The following SLC44A1 variants were observed in gnomAD, a reference collection of about 807,000 sequenced individuals.
SLC44A1 encodes choline transporter-like protein 1.
A neutral mutation model predicts 79.3 loss-of-function variants in SLC44A1; 26 were observed. The ratio of observed to expected loss-of-function variants is 0.33; its 90% CI spans 0.24 to 0.46. The LOEUF (loss-of-function observed/expected upper bound fraction) is 0.46, where lower values mean the gene tolerates loss of function less well. Ranked by LOEUF, SLC44A1 falls within the 20% of genes least tolerant of loss-of-function variation. The pLI is 1.00. For missense variants in SLC44A1, 688 were observed against 798.1 expected (o/e 0.86, Z 1.66); for synonymous variants, 263 against 286.2 (o/e 0.92, Z 0.82).
At chr9:105,345,576 C>CT (rs1019043590) in intron 4 of SLC44A1, among the ~76,000 whole-genome samples, 6 of 151,332 alleles carry the variant, frequency 4.0e-5, no homozygotes, top group East Asian at 1.9e-4. Flanking sequence ...GGAAATATTA[C>CT]TTTTTTTTTC....
At chr9:105,400,528 C>G (rs2417641), downstream of SLC44A1, among the ~76,000 whole-genome samples, 132,148 of 151,822 alleles carry the variant, frequency 0.87, 59,401 homozygotes, top group East Asian at 1. Context: ...TAAACTACAA[C>G]ATGTCAATGT....
chr9:105,351,602 GAAAGAAAGAAAGAAA>G (rs1564452788), intron 5 of SLC44A1, among the ~76,000 whole-genome samples: 1 of 47,668 alleles, frequency 2.1e-5, no homozygotes. Flanking sequence ...GAAAGAGAAA[GAAAGAAAGAAAGAAA>G]GAAAGAGAGA....
intron 12 of SLC44A1, among the ~76,000 whole-genome samples, chr9:105,370,735 G>A (rs928917938): frequency 1.4e-4 from 21 of 152,194 alleles, no homozygotes; most frequent in Non-Finnish European, 2.9e-4. Flanking sequence ...GAGACGTGTG[G>A]GTCCTTTCTT....
At chr9:105,302,674 T>TA (rs57862025) in intron 2 of SLC44A1, among the ~76,000 whole-genome samples, 2,377 of 132,248 alleles carry the variant, frequency 0.018, 42 homozygotes, top group African/African-American at 0.041. Context: ...GGATCTTTTC[T>TA]AAAAAAAAAA....
Position 105,389,079 on chromosome 9 carries a change from C to T in SLC44A1, c.*23C>T, listed in dbSNP as rs975218040. On this transcript the variant is annotated 3_prime_UTR_variant, in exon 16 of 16. Coordinates refer to ENST00000374720, the MANE Select transcript of SLC44A1 (RefSeq NM_080546.5). ...TGAACCTAGCCGACGGTTATGGAAA[C>T]CCATTGACATTCCAAAACAATATAT... 4 of 1,612,670 alleles carry T rather than the reference C, an allele frequency of 2.5e-6. No individual in the cohort carries two copies. Among genetic ancestry groups the T allele is most frequent in the South Asian group, 1.1e-5 (1 of 91,022 alleles).
At chr9:105,273,980 G>A (rs1171269373) in intron 1 of SLC44A1, among the ~76,000 whole-genome samples, 2 of 152,048 alleles carry the variant, frequency 1.3e-5, no homozygotes, top group Admixed American at 6.6e-5. Flanking sequence ...AGTTCTGTAG[G>A]TTATTATTTC....
intron 4 of SLC44A1, among the ~76,000 whole-genome samples, chr9:105,340,485 A>G (rs1342355012): frequency 1.3e-5 from 2 of 152,228 alleles, no homozygotes; most frequent in African/African-American, 4.8e-5. Flanking sequence ...GTTTGAATGA[A>G]CTTAATGTCA....
intron 1 of SLC44A1, among the ~76,000 whole-genome samples, chr9:105,261,038 A>C (rs529928050): frequency 6.6e-6 from 1 of 152,210 alleles, no homozygotes; most frequent in Non-Finnish European, 1.5e-5. Context: ...AACAAATACA[A>C]CTTGCCAATG....
At chr9:105,278,403 C>T (rs1042525390) in intron 1 of SLC44A1, among the ~76,000 whole-genome samples, 1 of 152,196 alleles carries the variant, frequency 6.6e-6, no homozygotes, top group Non-Finnish European at 1.5e-5. Context: ...CGCCCGCCAC[C>T]ACGCCCGGTT....
intron 1 of SLC44A1, among the ~76,000 whole-genome samples, chr9:105,269,338 T>C (rs559594090): frequency 6.6e-6 from 1 of 152,302 alleles, no homozygotes; most frequent in Non-Finnish European, 1.5e-5. Flanking sequence ...TTTTAACTGG[T>C]CACCTCTTTT....
chr9:105,317,522 A>G (rs1831359348), intron 3 of SLC44A1, among the ~76,000 whole-genome samples: 1 of 152,090 alleles, frequency 6.6e-6, no homozygotes, highest in Non-Finnish European at 1.5e-5. Flanking sequence ...GATTGGACGA[A>G]GAGGTGACTA....
intron 1 of SLC44A1, among the ~76,000 whole-genome samples, chr9:105,293,769 C>G (rs1830656521): frequency 6.6e-6 from 1 of 152,126 alleles, no homozygotes; most frequent in Non-Finnish European, 1.5e-5. Context: ...TTTGCAATAA[C>G]ATGGAAATTT....
chr9:105,394,656 AATATATTTGTCAACAT>A lies in SLC44A1; in HGVS notation c.*5601_*5616del. ...TGTTATCAGTATACTACTGTCTTAA[AATATATTTGTCAACAT>A]GTCCAGTTCCAACAACAGTTGAAGA... On this transcript the variant is annotated 3_prime_UTR_variant, in exon 16 of 16. Coordinates refer to ENST00000374720, the MANE Select transcript of SLC44A1 (RefSeq NM_080546.5). 1 of 985,350 alleles carries A rather than the reference AATATATTTGTCAACAT, an allele frequency of 1.0e-6. No homozygotes were observed. The highest frequency in any genetic ancestry group is 4.7e-5 in the South Asian group (1 of 21,286). The allele number at this position is 985,350 out of a possible 1,614,324, so 61.0% of individuals were successfully genotyped here.
intron 1 of SLC44A1, among the ~76,000 whole-genome samples, chr9:105,255,654 T>C (rs1829687062): frequency 6.6e-6 from 1 of 152,192 alleles, no homozygotes; most frequent in Non-Finnish European, 1.5e-5. Context: ...TCCTCAGAAG[T>C]CCTTTCACTA....
chr9:105,329,383 C>G (rs374723729), intron 3 of SLC44A1, among the ~76,000 whole-genome samples: 2 of 152,006 alleles, frequency 1.3e-5, no homozygotes, highest in Non-Finnish European at 2.9e-5. Context: ...CAGCCAAATT[C>G]GGCAGGAGGC....
At chr9:105,361,086 T>G (rs1827763976) in intron 7 of SLC44A1, 105 bp from the exon 8 acceptor site, 1 of 1,111,684 alleles carries the variant, frequency 9.0e-7, no homozygotes, top group African/African-American at 1.5e-5. Context: ...TGTCACTGCA[T>G]TAGTCCCATG....
intron 15 of SLC44A1, among the ~76,000 whole-genome samples, chr9:105,418,403 T>C (rs7858711): frequency 0.012 from 1,797 of 152,182 alleles, 37 homozygotes; most frequent in African/African-American, 0.041. Flanking sequence ...AGCCTTCAGT[T>C]CACACTGCAA....
chr9:105,368,563 T>C (rs565867343), intron 12 of SLC44A1, among the ~76,000 whole-genome samples: 3 of 152,284 alleles, frequency 2.0e-5, no homozygotes, highest in African/African-American at 7.2e-5. Context: ...TTCAAATCAT[T>C]TTGCCTTGCT....
intron 15 of SLC44A1, among the ~76,000 whole-genome samples, chr9:105,429,388 C>T (rs574781727): frequency 5.9e-5 from 9 of 152,184 alleles, no homozygotes; most frequent in East Asian, 5.8e-4. Flanking sequence ...CCGCAACCTC[C>T]GCCTTCTTGG....
Sources: gnomAD v4.1 joint callset for allele counts (sites outside exome capture counted in the v4.1 genomes callset) on GRCh38, gnomAD v4.1.1 for gene constraint, MANE v1.5 for transcripts, NCBI Gene and HGNC (gene_info 2026-07-23, HGNC 2026-07-21) for gene names.